The following MGAT4C variants were observed in gnomAD, a reference collection of about 807,000 sequenced individuals.
MGAT4C encodes MGAT4 family member C.
Under a neutral mutation model 40.1 loss-of-function variants are expected in MGAT4C, and 19 were observed. The observed-to-expected ratio is 0.47, with a 90% CI of 0.33 to 0.70. The LOEUF is 0.70. Among genes scored for constraint, MGAT4C ranks in the 30% least tolerant of loss-of-function variants. The pLI, the probability that MGAT4C is intolerant of heterozygous loss-of-function variation, is 0.02. For missense variants in MGAT4C, 491 were observed against 563.2 expected (o/e 0.87, Z 1.30); for synonymous variants, 181 against 187.1 (o/e 0.97, Z 0.27).
chr12:86,091,429 A>G (rs1208957008), intron 1 of MGAT4C, among the ~76,000 whole-genome samples: 2 of 152,092 alleles, frequency 1.3e-5, no homozygotes, highest in African/African-American at 4.8e-5. Context: ...ATGCACTTTG[A>G]TATCACTAGC....
At chr12:85,988,367 T>G (rs1885488283) in intron 3 of MGAT4C, among the ~76,000 whole-genome samples, 1 of 152,164 alleles carries the variant, frequency 6.6e-6, no homozygotes, top group African/African-American at 2.4e-5. Flanking sequence ...TCATAGGATA[T>G]AGCATAGTAT....
At chr12:86,745,732 T>A (rs1951143445) in intron 1 of MGAT4C, among the ~76,000 whole-genome samples, 1 of 151,694 alleles carries the variant, frequency 6.6e-6, no homozygotes, top group African/African-American at 2.4e-5. Flanking sequence ...AAGTATCTTC[T>A]TTTTAATAAA....
At chr12:86,106,949 G>A (rs948967985) in intron 1 of MGAT4C, among the ~76,000 whole-genome samples, 2 of 152,088 alleles carry the variant, frequency 1.3e-5, no homozygotes, top group Admixed American at 1.3e-4. Flanking sequence ...TTTGTGAAGT[G>A]GAGTCCTTGG....
At chr12:86,651,368 G>A (rs1323258623) in intron 2 of MGAT4C, among the ~76,000 whole-genome samples, 2 of 151,770 alleles carry the variant, frequency 1.3e-5, no homozygotes, top group Admixed American at 6.6e-5. Context: ...CCACAGAGCA[G>A]CAAGTGATAT....
chr12:86,590,866 T>A (rs1022838638), intron 2 of MGAT4C, among the ~76,000 whole-genome samples: 1 of 152,016 alleles, frequency 6.6e-6, no homozygotes, highest in Non-Finnish European at 1.5e-5. Context: ...ATGATGCTCA[T>A]CTGCATTTTA....
chr12:86,665,799 T>C (rs531876054), intron 2 of MGAT4C, among the ~76,000 whole-genome samples: 1 of 152,300 alleles, frequency 6.6e-6, no homozygotes, highest in South Asian at 2.1e-4. Context: ...AGAGTAATGT[T>C]AAAGAAACTG....
chr12:86,187,647 A>T (rs1888916109), intron 1 of MGAT4C, among the ~76,000 whole-genome samples: 1 of 151,990 alleles, frequency 6.6e-6, no homozygotes, highest in Admixed American at 6.6e-5. Context: ...ATTGTTACTA[A>T]AAAAGGGCCT....
At chr12:86,759,288 T>A (rs1951360423) in intron 1 of MGAT4C, among the ~76,000 whole-genome samples, 1 of 152,124 alleles carries the variant, frequency 6.6e-6, no homozygotes, top group Admixed American at 6.6e-5. Context: ...CACTCATTTG[T>A]GGAGGAACAT....
intron 1 of MGAT4C, among the ~76,000 whole-genome samples, chr12:86,779,011 TA>T (rs34368650): frequency 0.41 from 57,836 of 142,326 alleles, 11,300 homozygotes; most frequent in South Asian, 0.44. Flanking sequence ...ACAATTTCAC[TA>T]AAAAAAAAAA....
intron 1 of MGAT4C, among the ~76,000 whole-genome samples, chr12:86,103,387 C>T (rs1346393654): frequency 6.6e-6 from 1 of 152,082 alleles, no homozygotes; most frequent in Admixed American, 6.6e-5. Context: ...GAGACAAACA[C>T]ACAGAATAGA....
At chr12:86,367,295 C>CCAGAAAA in intron 3 of MGAT4C, among the ~76,000 whole-genome samples, 1 of 152,110 alleles carries the variant, frequency 6.6e-6, no homozygotes, top group East Asian at 1.9e-4. Flanking sequence ...AAAATGGGCC[C>CCAGAAAA]CAGAAAACAG....
At chr12:86,303,078 T>G (rs961403518) in intron 4 of MGAT4C, among the ~76,000 whole-genome samples, 1 of 150,722 alleles carries the variant, frequency 6.6e-6, no homozygotes, top group Non-Finnish European at 1.5e-5. Context: ...TTCTCTATTT[T>G]TCTCCTATTT....
intron 2 of MGAT4C, among the ~76,000 whole-genome samples, chr12:85,997,584 A>C (rs11117150): frequency 0.26 from 38,906 of 152,106 alleles, 5,660 homozygotes; most frequent in Non-Finnish European, 0.33. Flanking sequence ...TACAGCCATT[A>C]CAAATGGAAG....
chr12:86,710,043 G>T (rs1011821500), intron 2 of MGAT4C, among the ~76,000 whole-genome samples: 2 of 152,026 alleles, frequency 1.3e-5, no homozygotes, highest in African/African-American at 4.8e-5. Flanking sequence ...TTATTTTTAT[G>T]ATGGAATAAA....
At chr12:86,127,874 C>A (rs1880538161) in intron 1 of MGAT4C, among the ~76,000 whole-genome samples, 1 of 152,122 alleles carries the variant, frequency 6.6e-6, no homozygotes, top group Non-Finnish European at 1.5e-5. Context: ...ACAATTCCTT[C>A]TTTTCTTTTC....
chr12:86,330,408 T>C (rs1017554055), intron 4 of MGAT4C, among the ~76,000 whole-genome samples: 1 of 152,202 alleles, frequency 6.6e-6, no homozygotes, highest in Non-Finnish European at 1.5e-5. Flanking sequence ...TTTGAATAAA[T>C]AAATTTGTTA....
At chr12:86,614,672 A>G (rs888550843) in intron 2 of MGAT4C, among the ~76,000 whole-genome samples, 3 of 151,850 alleles carry the variant, frequency 2.0e-5, no homozygotes, top group South Asian at 2.1e-4. Flanking sequence ...TGTTTAAATT[A>G]TGAAGTTAAT....
chr12:86,075,164 A>G (rs182765387), intron 1 of MGAT4C, among the ~76,000 whole-genome samples: 74 of 152,302 alleles, frequency 4.9e-4, no homozygotes, highest in Middle Eastern at 3.4e-3. Context: ...TACCTCCTAG[A>G]TACAATGGGG....
chr12:86,418,757 A>G (rs1228235053), intron 3 of MGAT4C, among the ~76,000 whole-genome samples: 2 of 152,116 alleles, frequency 1.3e-5, no homozygotes. Flanking sequence ...AAGGAGAAAC[A>G]AAGTTTAAAA....
Sources: allele counts gnomAD v4.1 joint callset (sites outside exome capture counted in the v4.1 genomes callset), GRCh38; gene constraint gnomAD v4.1.1; transcripts MANE v1.5; gene names NCBI Gene and HGNC (gene_info 2026-07-23, HGNC 2026-07-21).